Variants in DYM observed in about 807,000 individuals in gnomAD.
DYM encodes dymeclin, also known as dyggve-Melchior-Clausen syndrome protein.
DYM carries 78 observed loss-of-function variants against 93.1 expected under a neutral mutation model. That is an observed-to-expected ratio of 0.84 (90% CI 0.70 to 1.01). The LOEUF is 1.01. DYM is among the 50% of genes least tolerant of loss of function. The probability of loss-of-function intolerance (pLI) is 0.00; values close to 1 mark genes in which losing one functional copy is unlikely to be tolerated. For missense variants in DYM, 789 were observed against 845.0 expected, an observed-to-expected ratio of 0.93 and a Z score of 0.82; for synonymous variants, 321 against 319.7, an observed-to-expected ratio of 1.00 and a Z score of -0.04.
chr18:49,362,044 T>A (rs1234949482), intron 6 of DYM, among the ~76,000 whole-genome samples: 1 of 150,176 alleles, frequency 6.7e-6, no homozygotes, highest in African/African-American at 2.4e-5. Context: ...TTTTTTTTTT[T>A]AAGTAGAGAC....
chr18:49,238,803 AAAAG>A (rs1420106653), intron 13 of DYM, among the ~76,000 whole-genome samples: 6 of 151,954 alleles, frequency 3.9e-5, no homozygotes, highest in Non-Finnish European at 7.4e-5. Context: ...AAAAAAAAAA[AAAAG>A]AAACACTCCT....
chr18:49,415,911 G>A (rs1158363167), intron 2 of DYM, among the ~76,000 whole-genome samples: 4 of 139,652 alleles, frequency 2.9e-5, no homozygotes, highest in African/African-American at 7.7e-5. Context: ...TGGGCAACAA[G>A]AGCGAAACTC....
chr18:49,441,785 G>C (rs1431417792), intron 1 of DYM, among the ~76,000 whole-genome samples: 1 of 152,076 alleles, frequency 6.6e-6, no homozygotes, highest in Non-Finnish European at 1.5e-5. Flanking sequence ...AGGCTAAAGA[G>C]CGAGAGACAG....
chr18:49,336,516 G>A (rs1364166405), intron 6 of DYM, among the ~76,000 whole-genome samples: 1 of 152,180 alleles, frequency 6.6e-6, no homozygotes, highest in Non-Finnish European at 1.5e-5. Context: ...AAGAGTCACT[G>A]CAAGCTAAAA....
chr18:49,104,039 C>T (rs2080495555), intron 16 of DYM, among the ~76,000 whole-genome samples: 2 of 152,148 alleles, frequency 1.3e-5, no homozygotes, highest in African/African-American at 4.8e-5. Context: ...TCTTCCTACC[C>T]ATGAGCATGG....
At chr18:49,312,215 CAG>C (rs1446854550) in intron 8 of DYM, among the ~76,000 whole-genome samples, 3 of 152,154 alleles carry the variant, frequency 2.0e-5, no homozygotes, top group Non-Finnish European at 4.4e-5. Flanking sequence ...TCTAGGCAGA[CAG>C]GGGCAGGTCC....
intron 14 of DYM, 151 bp downstream of exon 14, chr18:49,209,400 C>A: frequency 4.5e-6 from 2 of 448,470 alleles, no homozygotes; most frequent in Non-Finnish European, 6.6e-6. Context: ...GAAACAAAAT[C>A]CAGCTATTAT....
At chr18:49,138,980 C>T (rs990951748) in intron 15 of DYM, among the ~76,000 whole-genome samples, 1 of 152,072 alleles carries the variant, frequency 6.6e-6, no homozygotes, top group Non-Finnish European at 1.5e-5. Context: ...CAGTTATAGC[C>T]AATCTCTCCG....
chr18:49,063,800 T>C (rs2076183371), intron 17 of DYM, among the ~76,000 whole-genome samples: 1 of 152,020 alleles, frequency 6.6e-6, no homozygotes, highest in African/African-American at 2.4e-5. Context: ...TTAACTTTTT[T>C]GTATTTTTTG....
intron 2 of DYM, among the ~76,000 whole-genome samples, chr18:49,429,057 C>A (rs2074571582): frequency 6.6e-6 from 1 of 152,198 alleles, no homozygotes; most frequent in South Asian, 2.1e-4. Flanking sequence ...GGGAAATCTG[C>A]ATCCTTGCCT....
At chr18:49,393,885 A>G (rs1599884379) in intron 2 of DYM, 1 of 152,392 alleles carries the variant, frequency 6.6e-6, no homozygotes, top group Non-Finnish European at 1.5e-5. Flanking sequence ...GCCAGCCACA[A>G]AAAGATAAAT....
chr18:49,292,372 A>ACG (rs1453545844), intron 8 of DYM, among the ~76,000 whole-genome samples: 1 of 150,012 alleles, frequency 6.7e-6, no homozygotes, highest in Non-Finnish European at 1.5e-5. Context: ...ACACACACAC[A>ACG]CACACACACA....
intron 2 of DYM, among the ~76,000 whole-genome samples, chr18:49,418,603 A>G (rs2148304334): frequency 6.6e-6 from 1 of 152,356 alleles, no homozygotes; most frequent in South Asian, 2.1e-4. Context: ...TAAAAATTGC[A>G]GCAAACATCG....
intron 13 of DYM, among the ~76,000 whole-genome samples, chr18:49,220,622 G>T (rs796485526): frequency 4.3e-4 from 65 of 152,100 alleles, no homozygotes; most frequent in East Asian, 1.5e-3. Flanking sequence ...CTATCTGATC[G>T]TTGACAAACC....
chr18:49,080,251 CA>C (rs2077760203), intron 17 of DYM, among the ~76,000 whole-genome samples: 2 of 120,558 alleles, frequency 1.7e-5, no homozygotes, highest in Admixed American at 7.7e-5. Context: ...GCTGGCCGGG[CA>C]GAGGGGCTCC....
chr18:49,206,039 C>G, intron 14 of DYM: 1 of 125,350 alleles, frequency 8.0e-6, no homozygotes, highest in Non-Finnish European at 1.5e-5. Context: ...CTCTGTGTCA[C>G]CCAGGCTGGA....
chr18:49,089,224 G>A (rs2078831614), intron 17 of DYM, among the ~76,000 whole-genome samples: 1 of 152,160 alleles, frequency 6.6e-6, no homozygotes, highest in African/African-American at 2.4e-5. Flanking sequence ...ACCTGGTATA[G>A]AGCAAGTGCT....
intron 13 of DYM, among the ~76,000 whole-genome samples, chr18:49,252,933 CT>C (rs2094320538): frequency 6.6e-6 from 1 of 152,166 alleles, no homozygotes; most frequent in Non-Finnish European, 1.5e-5. Flanking sequence ...ATCCAAAAGA[CT>C]TACAAAGTTA....
chr18:49,438,691 G>C (rs1862135831), intron 1 of DYM, among the ~76,000 whole-genome samples: 1 of 152,190 alleles, frequency 6.6e-6, no homozygotes, highest in African/African-American at 2.4e-5. Context: ...GCTAGGAACA[G>C]AGTGAAGGCA....
Sources: allele counts gnomAD v4.1 joint callset (sites outside exome capture counted in the v4.1 genomes callset), GRCh38; gene constraint gnomAD v4.1.1; transcripts MANE v1.5; gene names NCBI Gene and HGNC (gene_info 2026-07-23, HGNC 2026-07-21).